ACSBG1: variants seen among roughly 807,000 people sequenced by gnomAD.
The protein encoded by ACSBG1 is long-chain-fatty-acid--CoA ligase ACSBG1.
Under a neutral mutation model 80.2 loss-of-function variants are expected in ACSBG1, and 39 were observed. The ratio of observed to expected loss-of-function variants is 0.49; its 90% confidence interval spans 0.38 to 0.64. ACSBG1 has a LOEUF of 0.64. Ranked by LOEUF, ACSBG1 falls within the 30% of genes least tolerant of loss-of-function variation. The pLI, the probability that ACSBG1 is intolerant of heterozygous loss-of-function variation, is 0.00. For missense variants in ACSBG1, 828 were observed against 966.4 expected, an observed-to-expected ratio of 0.86 and a Z score of 1.90; for synonymous variants, 392 against 379.5, an observed-to-expected ratio of 1.03 and a Z score of -0.38.
intron 13 of ACSBG1, chr15:78,171,932 A>G (rs908044859): frequency 2.0e-4 from 31 of 156,976 alleles, no homozygotes; most frequent in Non-Finnish European, 4.2e-5. Context: ...TAAATTGTTG[A>G]AGCAATTAAA....
intron 1 of ACSBG1, among the ~76,000 whole-genome samples, chr15:78,215,754 GAA>G (rs1491406019): frequency 1.3e-5 from 2 of 148,306 alleles, no homozygotes; most frequent in Non-Finnish European, 3.0e-5. Flanking sequence ...AAGAAAGAAA[GAA>G]AGAAAGAAAG....
chr15:78,171,362 C>T lies in ACSBG1; in HGVS notation c.*82G>A. ...CAGACTTGGCAGAAATGCCTGTGCCCAGACTGAAGAGACCTGGGGCTCAGG... is the reference window on the plus strand; with the variant it reads ...CAGACTTGGCAGAAATGCCTGTGCCTAGACTGAAGAGACCTGGGGCTCAGG... On this transcript the variant is annotated 3_prime_UTR_variant, in exon 14 of 14. Coordinates refer to ENST00000258873, the MANE Select transcript of ACSBG1 (RefSeq NM_015162.5). 8.3e-7 allele frequency: 1 copy of T among 1,201,772 alleles called. No individual in the cohort carries two copies. The highest frequency in any genetic ancestry group is 2.4e-5 in the East Asian group (1 of 41,094). The allele number at this position is 1,201,772 out of a possible 1,614,324, so 74.4% of individuals were successfully genotyped here. A position where few individuals can be genotyped will look rare whatever the true frequency, so the allele number is the denominator to read the frequency against.
At chr15:78,222,263 CAGT>C (rs1206503973) in intron 1 of ACSBG1, among the ~76,000 whole-genome samples, 2 of 152,174 alleles carry the variant, frequency 1.3e-5, no homozygotes, top group Non-Finnish European at 2.9e-5. Flanking sequence ...TAGAGACAAA[CAGT>C]AGTAGATTTG....
chr15:78,228,807 G>A (rs2139443), intron 1 of ACSBG1, among the ~76,000 whole-genome samples: 54,568 of 151,960 alleles, frequency 0.36, 11,020 homozygotes, highest in East Asian at 0.51. Context: ...ATCCCACCTC[G>A]GGGCCTTTGC....
chr15:78,219,175 G>A (rs1187578927), intron 1 of ACSBG1, among the ~76,000 whole-genome samples: 2 of 152,104 alleles, frequency 1.3e-5, no homozygotes, highest in African/African-American at 4.8e-5. Flanking sequence ...GAGGTCCTTG[G>A]CACCTCTCCA....
Position 78,173,637 on chromosome 15 carries a change from C to A in ACSBG1, c.2045G>T (p.Trp682Leu). ...GGAGAAGTCTCTCTCGAGAATGGCC[C>A]ACTTCTGGATGTGGTAGGGCCGGGC... is the stretch of plus-strand genomic sequence containing the variant. ...AAARPYHIQKWAILERDFSIS... is the reference protein window; with the variant it reads ...AAARPYHIQKLAILERDFSIS... The change falls in exon 13 of 14, where the codon TGG becomes TTG. Residue 682 changes from tryptophan (W) to leucine (L), a missense_variant. Trp to Leu is a moderately conservative substitution (Grantham distance 61). Coordinates refer to ENST00000258873, the MANE Select transcript of ACSBG1 (RefSeq NM_015162.5). 10 of 1,614,184 alleles carry A rather than the reference C, an allele frequency of 6.2e-6. No individual in the cohort carries two copies. The highest frequency in any genetic ancestry group is 8.5e-6 in the Non-Finnish European group (10 of 1,180,038).
intron 1 of ACSBG1, among the ~76,000 whole-genome samples, chr15:78,227,997 A>G (rs1035888119): frequency 6.6e-6 from 1 of 152,216 alleles, no homozygotes; most frequent in African/African-American, 2.4e-5. Context: ...TTAATTGACT[A>G]ATCTCTTGCC....
rs117423571 is a variant in ACSBG1 at position 78,230,168 on chromosome 15, G to T, written c.131+4203C>A. On this transcript the variant is annotated intron_variant, in intron 1 of 13. Transcript: ENST00000258873. ...AGGGGTGTCCCTGATGGAGGGCATG[G>T]TCTACAGCCACAGCCTCAAGGGCAC... Among the ~76,000 whole-genome samples, 1,160 of 152,298 alleles carry T rather than the reference G, an allele frequency of 7.6e-3. 8 individuals carry two copies. The highest frequency in any genetic ancestry group is 0.014 in the Middle Eastern group (4 of 294).
rs543786437 is a variant in ACSBG1 at position 78,205,060 on chromosome 15, C to T, written c.232+2942G>A. ...CCAGCACCTCCAGCAGTTTCATCCC[C>T]AGCAGCTGCTCACCCCGGGTGCCCT... On this transcript the variant is annotated intron_variant, in intron 2 of 13. Transcript: ENST00000258873. 1.8e-4 allele frequency among the ~76,000 whole-genome samples: 27 copies of T among 152,150 alleles called. 1 individual carries two copies. Among genetic ancestry groups the T allele is most frequent in the East Asian group, 9.7e-4 (5 of 5,164 alleles).
intron 8 of ACSBG1, 40 bp from the exon 9 acceptor site, chr15:78,180,976 C>T: frequency 6.3e-7 from 1 of 1,592,946 alleles, no homozygotes; most frequent in Non-Finnish European, 8.6e-7. Context: ...GGGTCAGGGG[C>T]ATCTGGGGCC....
rs76801640 is a variant in ACSBG1, at chr15:78,181,433, G to A, written c.1072-497C>T. ...ACTCTGAGGATGCCCGTCCTTGATC[G>A]TGTCACAAGTCCCGCGAACCACTCT... On this transcript the variant is annotated intron_variant, in intron 8 of 13. Transcript: ENST00000258873. Among the ~76,000 whole-genome samples the A allele has an allele frequency of 8.2e-3, 1,240 of 151,512 alleles. 20 individuals carry two copies. The highest frequency in any genetic ancestry group is 0.029 in the African/African-American group (1,179 of 41,240).
At chr15:78,231,747 C>G (rs567869625) in intron 1 of ACSBG1, among the ~76,000 whole-genome samples, 12 of 152,232 alleles carry the variant, frequency 7.9e-5, no homozygotes, top group African/African-American at 2.6e-4. Flanking sequence ...CACTATCATG[C>G]CTGGCCAATT....
chr15:78,184,226 C>A lies in ACSBG1; in HGVS notation c.664-1441G>T, dbSNP rs542516082. ...GTTTTGTTTTGGAGACAGGTTCTTG[C>A]TCTATGGTATGATCATGGCCCACTG... On this transcript the variant is annotated intron_variant, in intron 5 of 13. Coordinates refer to ENST00000258873, the MANE Select transcript of ACSBG1 (RefSeq NM_015162.5). Among the ~76,000 whole-genome samples, 15 of 152,284 alleles carry A rather than the reference C, an allele frequency of 9.9e-5. No individual in the cohort carries two copies. In the East Asian group the frequency reaches 1.3e-3, roughly 14 times the overall value.
Position 78,169,097 on chromosome 15 carries a change from C to A in ACSBG1, c.*2347G>T. The A allele has an allele frequency of 4.1e-6, 3 of 729,404 alleles. No individual in the cohort carries two copies. Among genetic ancestry groups the A allele is most frequent in the East Asian group, 2.7e-5 (1 of 37,680 alleles). 45.2% of individuals were successfully genotyped at this position (729,404 alleles called of 1,614,324 possible). ...ACCTACGTATGTATGCATTGGTTTG[C>A]TTGTTTCTTGACAGTACATTTTTAG... On this transcript the variant is annotated 3_prime_UTR_variant, in exon 14 of 14. Transcript: ENST00000258873.
chr15:78,216,840 C>T (rs1276553375), intron 1 of ACSBG1, among the ~76,000 whole-genome samples: 1 of 152,220 alleles, frequency 6.6e-6, no homozygotes, highest in African/African-American at 2.4e-5. Flanking sequence ...CCACAGCCTG[C>T]TGTATACAAA....
intron 1 of ACSBG1, among the ~76,000 whole-genome samples, chr15:78,226,025 C>A (rs920966164): frequency 6.6e-6 from 1 of 152,132 alleles, no homozygotes; most frequent in Middle Eastern, 3.2e-3. Context: ...CAGGTCCTTA[C>A]CACATGGGTC....
At chr15:78,173,506 G>A (rs1011426010) in intron 13 of ACSBG1, 87 bp downstream of exon 13, 16 of 1,536,524 alleles carry the variant, frequency 1.0e-5, no homozygotes, top group African/African-American at 1.4e-5. Context: ...CTTTGCCGTG[G>A]CTGCTTCCTA....
chr15:78,234,119 C>T (rs1327675084), intron 1 of ACSBG1, among the ~76,000 whole-genome samples: 1 of 152,220 alleles, frequency 6.6e-6, no homozygotes, highest in Non-Finnish European at 1.5e-5. Flanking sequence ...TCCAACTGGT[C>T]TCCAACTGCA....
chr15:78,192,256 T>C (rs908811173), intron 5 of ACSBG1, among the ~76,000 whole-genome samples: 1 of 152,006 alleles, frequency 6.6e-6, no homozygotes, highest in African/African-American at 2.4e-5. Flanking sequence ...GTTACCCTCA[T>C]ACCAGCCCTT....
Sources: gnomAD v4.1 joint callset for allele counts (sites outside exome capture counted in the v4.1 genomes callset) on GRCh38, gnomAD v4.1.1 for gene constraint, MANE v1.5 for transcripts, NCBI Gene and HGNC (gene_info 2026-07-23, HGNC 2026-07-21) for gene names.